The following SPIDR variants were observed in gnomAD, a reference collection of about 807,000 sequenced individuals.
SPIDR encodes the protein scaffold protein involved in DNA repair, also known as DNA repair-scaffolding protein.
SPIDR carries 93 observed loss-of-function variants against 104.6 expected under a neutral mutation model. The ratio of observed to expected loss-of-function variants is 0.89; its 90% confidence interval spans 0.75 to 1.06. The LOEUF is 1.06. SPIDR is among the 50% of genes least tolerant of loss of function. The pLI, the probability that SPIDR is intolerant of heterozygous loss-of-function variation, is 0.00. For synonymous variants in SPIDR, 431 were observed against 416.9 expected, an observed-to-expected ratio of 1.03 and a Z score of -0.41; for missense variants, 1,154 against 1,111.2, an observed-to-expected ratio of 1.04 and a Z score of -0.55.
chr8:47,593,580 G>A (rs1420871859), intron 8 of SPIDR, among the ~76,000 whole-genome samples: 2 of 152,086 alleles, frequency 1.3e-5, no homozygotes, highest in Non-Finnish European at 2.9e-5. Context: ...ATAGAAACAT[G>A]GACATTTGGA....
Position 47,293,809 on chromosome 8 carries a change from G to T in SPIDR, c.362-58G>T, listed in dbSNP as rs913811641. 9.0e-4 allele frequency: 1,355 copies of T among 1,498,100 alleles called. 2 individuals carry two copies. The highest frequency in any genetic ancestry group is 1.2e-3 in the Non-Finnish European group (1,279 of 1,101,066). The allele number at this position is 1,498,100 out of a possible 1,614,324, so 92.8% of individuals were successfully genotyped here. On this transcript the variant is annotated intron_variant, in intron 4 of 19. Coordinates refer to ENST00000297423, the MANE Select transcript of SPIDR (RefSeq NM_001080394.4). The stretch of plus-strand genomic sequence containing the variant: ...TATATTAACTGCTAAGAATAAAAGA[G>T]ATATAAAAGTGAAAGATTAAGGAGA...
chr8:47,687,612 A>C (rs2154478281), intron 11 of SPIDR, among the ~76,000 whole-genome samples: 1 of 152,376 alleles, frequency 6.6e-6, no homozygotes, highest in East Asian at 1.9e-4. Flanking sequence ...TAAGTGAATA[A>C]ATAAAGCTCA....
intron 6 of SPIDR, among the ~76,000 whole-genome samples, chr8:47,401,824 A>C (rs2061938715): frequency 6.6e-6 from 1 of 152,226 alleles, no homozygotes; most frequent in Non-Finnish European, 1.5e-5. Flanking sequence ...GAGCACCCAG[A>C]TTCATAAAGC....
chr8:47,267,975 T>C (rs2034444335), intron 1 of SPIDR, among the ~76,000 whole-genome samples: 1 of 152,222 alleles, frequency 6.6e-6, no homozygotes, highest in Non-Finnish European at 1.5e-5. Flanking sequence ...AGCTCTTACA[T>C]TTAGGTCTGT....
At position 47,630,819 on chromosome 8, in the gene SPIDR, C is replaced by T. The variant is rs568733958; in HGVS notation, c.1544+31623C>T. ...CTTCCCATGCACCTGTATGGCTGAT[C>T]CGACGTTCCTGGTTCTTGTTCACAT... On this transcript the variant is annotated intron_variant, in intron 10 of 19. Transcript: ENST00000297423. 2.0e-3 allele frequency among the ~76,000 whole-genome samples: 298 copies of T among 152,316 alleles called. 1 individual carries two copies. Among genetic ancestry groups the T allele is most frequent in the Non-Finnish European group, 3.2e-3 (218 of 68,022 alleles).
intron 5 of SPIDR, among the ~76,000 whole-genome samples, chr8:47,377,952 G>A (rs1316005997): frequency 6.6e-6 from 1 of 152,198 alleles, no homozygotes; most frequent in East Asian, 1.9e-4. Flanking sequence ...TTATTCAGCA[G>A]TATCTTATCT....
rs2154343410 is a variant in SPIDR at position 47,440,368 on chromosome 8, A to G, written c.923A>G (p.Glu308Gly). Residue 308 changes from glutamate (E) to glycine (G), a missense_variant, in exon 8 of 20, where the codon GAG (glutamate) becomes GGG (glycine). By Grantham distance (98) the Glu-to-Gly change is moderately conservative (BLOSUM62 -2). Coordinates refer to ENST00000297423, the MANE Select transcript of SPIDR (RefSeq NM_001080394.4). ...ACTGTGAAAATTTTAGAGCTGCATG[A>G]GGAATGTGCCATGCAAGTTGCCATG... Reference protein sequence around the residue: ...VLTVKILELHEECAMQVAMCE... With the variant: ...VLTVKILELHGECAMQVAMCE... 4 of 1,614,204 alleles carry G rather than the reference A, an allele frequency of 2.5e-6. No homozygotes were observed. Among genetic ancestry groups the G allele is most frequent in the Non-Finnish European group, 3.4e-6 (4 of 1,180,022 alleles).
At chr8:47,267,628 A>G (rs2154211952) in intron 1 of SPIDR, among the ~76,000 whole-genome samples, 1 of 152,142 alleles carries the variant, frequency 6.6e-6, no homozygotes, top group East Asian at 1.9e-4. Context: ...TCATGTACTT[A>G]TTGGGCATTT....
At chr8:47,391,872 T>C (rs1554652321) in intron 5 of SPIDR, among the ~76,000 whole-genome samples, 1 of 150,798 alleles carries the variant, frequency 6.6e-6, no homozygotes, top group African/African-American at 2.4e-5. Flanking sequence ...GGCGGGCGCC[T>C]GTAGTCCCAG....
chr8:47,322,453 G>A (rs1436468142), intron 5 of SPIDR, among the ~76,000 whole-genome samples: 1 of 152,186 alleles, frequency 6.6e-6, no homozygotes, highest in Non-Finnish European at 1.5e-5. Context: ...TGCTGGAGAG[G>A]ATGTGGAGAA....
chr8:47,410,337 C>T (rs935896085), intron 7 of SPIDR, among the ~76,000 whole-genome samples: 2 of 151,864 alleles, frequency 1.3e-5, no homozygotes, highest in Admixed American at 6.6e-5. Flanking sequence ...CCTGCCATCA[C>T]GCCTGGCTAA....
chr8:47,679,672 T>C (rs958140574), intron 11 of SPIDR, among the ~76,000 whole-genome samples: 1 of 152,242 alleles, frequency 6.6e-6, no homozygotes, highest in Non-Finnish European at 1.5e-5. Context: ...GCTGCGCCAC[T>C]GGGCTCCAAG....
At chr8:47,359,055 A>G (rs1299049017) in intron 5 of SPIDR, among the ~76,000 whole-genome samples, 1 of 152,142 alleles carries the variant, frequency 6.6e-6, no homozygotes, top group African/African-American at 2.4e-5. Flanking sequence ...GATTGAGCAC[A>G]GAGATCTGAT....
Position 47,727,199 on chromosome 8 carries a change from G to A in SPIDR, c.2342-1G>A. On this transcript the variant is annotated splice_acceptor_variant, in intron 16 of 19. Coordinates refer to ENST00000297423, the MANE Select transcript of SPIDR (RefSeq NM_001080394.4). LOFTEE classifies it high-confidence loss of function. ...GTGGGCTTTCCTTCTCTTGGGCCTAGGCACTGTGGTTGGCGTGGACGAGAG... is the reference window on the plus strand; with the variant it reads ...GTGGGCTTTCCTTCTCTTGGGCCTAAGCACTGTGGTTGGCGTGGACGAGAG... 1 of 1,614,106 alleles carries A rather than the reference G, an allele frequency of 6.2e-7. No homozygotes were observed. The highest frequency in any genetic ancestry group is 8.5e-7 in the Non-Finnish European group (1 of 1,180,002).
intron 5 of SPIDR, among the ~76,000 whole-genome samples, chr8:47,343,025 T>C (rs1273989785): frequency 5.3e-5 from 8 of 152,230 alleles, no homozygotes; most frequent in Admixed American, 5.2e-4. Flanking sequence ...TGTGTTTAGG[T>C]GGATGTCATA....
chr8:47,603,084 A>G (rs969146411), intron 10 of SPIDR, among the ~76,000 whole-genome samples: 1 of 152,216 alleles, frequency 6.6e-6, no homozygotes, highest in Non-Finnish European at 1.5e-5. Flanking sequence ...GAGCCCAAAC[A>G]CACCTTTTTT....
At chr8:47,387,654 T>C (rs1056272740) in intron 5 of SPIDR, among the ~76,000 whole-genome samples, 1 of 152,220 alleles carries the variant, frequency 6.6e-6, no homozygotes, top group Admixed American at 6.5e-5. Flanking sequence ...ACTTGTTGTA[T>C]TGAGATATTT....
chr8:47,403,551 T>C (rs369838340), intron 6 of SPIDR, among the ~76,000 whole-genome samples: 15 of 152,172 alleles, frequency 9.9e-5, no homozygotes, highest in African/African-American at 2.9e-4. Flanking sequence ...AGCATTCTTA[T>C]ACACCAATAA....
intron 5 of SPIDR, among the ~76,000 whole-genome samples, chr8:47,295,621 A>G (rs1049530771): frequency 1.2e-4 from 18 of 152,134 alleles, no homozygotes; most frequent in Non-Finnish European, 1.0e-4. Flanking sequence ...CATGTTGCAA[A>G]TGATAGAATT....
Sources: allele counts gnomAD v4.1 joint callset (sites outside exome capture counted in the v4.1 genomes callset), GRCh38; gene constraint gnomAD v4.1.1; transcripts MANE v1.5; gene names NCBI Gene and HGNC (gene_info 2026-07-23, HGNC 2026-07-21).